Variants in OGFRL1 observed in about 807,000 individuals in gnomAD.
The protein encoded by OGFRL1 is opioid growth factor receptor-like protein 1.
In OGFRL1, 26 loss-of-function variants were observed where a neutral mutation model predicts 32.4. That is an observed-to-expected ratio of 0.80 (90% CI 0.59 to 1.11). The LOEUF is 1.11. Among genes scored for constraint, OGFRL1 ranks in the 50% most tolerant of loss-of-function variants. OGFRL1 has a pLI of 0.00. For synonymous variants in OGFRL1, 211 were observed against 201.2 expected, an observed-to-expected ratio of 1.05 and a Z score of -0.41; for missense variants, 521 against 546.4, an observed-to-expected ratio of 0.95 and a Z score of 0.46.
At chr6:71,290,941 A>C (rs972576836) in intron 1 of OGFRL1, among the ~76,000 whole-genome samples, 2 of 152,192 alleles carry the variant, frequency 1.3e-5, no homozygotes, top group Non-Finnish European at 2.9e-5. Flanking sequence ...TGGGTAGTTA[A>C]ATTACATCTA....
Position 71,306,593 on chromosome 6 carries a change from A to G in OGFRL1, c.*4544A>G, listed in dbSNP as rs1189529227. 2 of 152,176 alleles carry G rather than the reference A, an allele frequency of 1.3e-5. No individual in the cohort carries two copies. The highest frequency in any genetic ancestry group is 2.9e-5 in the Non-Finnish European group (2 of 68,036). 9.4% of individuals were successfully genotyped at this position (152,176 alleles called of 1,614,324 possible). On this transcript the variant is annotated 3_prime_UTR_variant, in exon 7 of 7. Coordinates refer to ENST00000370435, the MANE Select transcript of OGFRL1 (RefSeq NM_024576.5). ...CATGAATATCAGTTCTTTTAATGAA[A>G]TTTAGGTGGTGCTTTATCATTTTGG...
intron 6 of OGFRL1, among the ~76,000 whole-genome samples, chr6:71,297,280 G>A (rs957817532): frequency 6.6e-6 from 1 of 151,918 alleles, no homozygotes; most frequent in Non-Finnish European, 1.5e-5. Flanking sequence ...GAATGAGATG[G>A]GCCCATAGTT....
At chr6:71,292,496 T>C (rs1396628594) in intron 1 of OGFRL1, among the ~76,000 whole-genome samples, 2 of 152,232 alleles carry the variant, frequency 1.3e-5, no homozygotes, top group Non-Finnish European at 2.9e-5. Context: ...TCATACATTA[T>C]AATAGTACAT....
In OGFRL1 at chr6:71,308,290, T is replaced by C. The variant is rs935324457; in HGVS notation, c.*6241T>C. The C allele has an allele frequency of 1.3e-5, 2 of 152,242 alleles. No homozygotes were observed. The highest frequency in any genetic ancestry group is 1.9e-4 in the East Asian group (1 of 5,206). The allele number at this position is 152,242 out of a possible 1,614,324, so 9.4% of individuals were successfully genotyped here. A position where few individuals can be genotyped will look rare whatever the true frequency, so the allele number is the denominator to read the frequency against. ...GCATATTAATTGTGTGGCATTATAA[T>C]TGTGAGAAACAAATGAGAGCAAAAT... On this transcript the variant is annotated 3_prime_UTR_variant, in exon 7 of 7. Transcript: ENST00000370435.
Position 71,306,019 on chromosome 6 carries a change from G to A in OGFRL1, c.*3970G>A, listed in dbSNP as rs900684586. 1.3e-5 allele frequency: 2 copies of A among 152,226 alleles called. No individual in the cohort carries two copies. The highest frequency in any genetic ancestry group is 2.4e-5 in the African/African-American group (1 of 41,404). 9.4% of individuals were successfully genotyped at this position (152,226 alleles called of 1,614,324 possible). A position where few individuals can be genotyped will look rare whatever the true frequency, so the allele number is the denominator to read the frequency against. Reference sequence around the variant, plus strand: ...AGGATATTCTTGATCTTGCTTGATTGTAACTACATCTACCAGTCTTTAATG... The same window carrying A: ...AGGATATTCTTGATCTTGCTTGATTATAACTACATCTACCAGTCTTTAATG... On this transcript the variant is annotated 3_prime_UTR_variant, in exon 7 of 7. Coordinates refer to ENST00000370435, the MANE Select transcript of OGFRL1 (RefSeq NM_024576.5).
At position 71,301,733 on chromosome 6, in the gene OGFRL1, A is replaced by C. The variant is rs1378895893; in HGVS notation, c.1040A>C (p.Lys347Thr). The C allele has an allele frequency of 2.5e-6, 4 of 1,613,868 alleles. No homozygotes were observed. In the African/African-American group the frequency reaches 5.3e-5, roughly 22 times the overall value. The part of the protein sequence containing the change: ...NSQTSMHKKA[K>T]DSKNSSSAVH... The stretch of plus-strand genomic sequence containing the variant: ...CAAACTTCTATGCACAAAAAAGCCA[A>C]GGACTCCAAAAATTCCTCCTCAGCT... Residue 347 changes from lysine to threonine, a missense_variant, in exon 7 of 7, where the codon AAG becomes ACG. Physicochemically the swap from Lys to Thr is moderately conservative, Grantham distance 78. Transcript: ENST00000370435.
chr6:71,296,286 T>C, intron 3 of OGFRL1, 31 bp from the exon 4 acceptor site: 3 of 1,431,700 alleles, frequency 2.1e-6, no homozygotes, highest in Non-Finnish European at 2.9e-6. Context: ...GTTTGAAATG[T>C]CTGGTTCATT....
At chr6:71,292,598 T>G (rs534480566) in intron 1 of OGFRL1, among the ~76,000 whole-genome samples, 1 of 152,360 alleles carries the variant, frequency 6.6e-6, no homozygotes, top group African/African-American at 2.4e-5. Flanking sequence ...GTTTGAACAG[T>G]ATGAGTAAAC....
Position 71,305,855 on chromosome 6 carries a change from T to A in OGFRL1, c.*3806T>A, listed in dbSNP as rs1023474476. The A allele has an allele frequency of 5.3e-5, 8 of 152,070 alleles. No individual in the cohort carries two copies. The highest frequency in any genetic ancestry group is 1.0e-4 in the Non-Finnish European group (7 of 67,978). The allele number at this position is 152,070 out of a possible 1,614,324, so 9.4% of individuals were successfully genotyped here. ...GGGTTAACCAATGGGGGGAGAATATTTGGTTAATTGTTTTAATATTAAATT... is the reference window on the plus strand; with the variant it reads ...GGGTTAACCAATGGGGGGAGAATATATGGTTAATTGTTTTAATATTAAATT... On this transcript the variant is annotated 3_prime_UTR_variant, in exon 7 of 7. Coordinates refer to ENST00000370435, the MANE Select transcript of OGFRL1 (RefSeq NM_024576.5).
At position 71,306,656 on chromosome 6, in the gene OGFRL1, A is replaced by G. The variant is rs1766559708; in HGVS notation, c.*4607A>G. On this transcript the variant is annotated 3_prime_UTR_variant, in exon 7 of 7. Coordinates refer to ENST00000370435, the MANE Select transcript of OGFRL1 (RefSeq NM_024576.5). Reference sequence around the variant, plus strand: ...TTGGGACAATAGCATCAGTTTATCAAGAAGTGTACTCACCATGATATTCAA... The same window carrying G: ...TTGGGACAATAGCATCAGTTTATCAGGAAGTGTACTCACCATGATATTCAA... 2.0e-5 allele frequency: 3 copies of G among 152,224 alleles called. No homozygotes were observed. The highest frequency in any genetic ancestry group is 2.0e-4 in the Admixed American group (3 of 15,278). 9.4% of individuals were successfully genotyped at this position (152,224 alleles called of 1,614,324 possible).
chr6:71,291,475 T>G (rs1276819051), intron 1 of OGFRL1: 1 of 152,196 alleles, frequency 6.6e-6, no homozygotes, highest in African/African-American at 2.4e-5. Flanking sequence ...ATGTTTTGTA[T>G]GTTTATTTTA....
At position 71,308,901 on chromosome 6, in the gene OGFRL1, C is replaced by T. The variant is rs1040692241; in HGVS notation, c.*6852C>T. 1.3e-5 allele frequency: 2 copies of T among 152,044 alleles called. No homozygotes were observed. Among genetic ancestry groups the T allele is most frequent in the Admixed American group, 6.6e-5 (1 of 15,260 alleles). The allele number at this position is 152,044 out of a possible 1,614,324, so 9.4% of individuals were successfully genotyped here. A position where few individuals can be genotyped will look rare whatever the true frequency, so the allele number is the denominator to read the frequency against. On this transcript the variant is annotated 3_prime_UTR_variant, in exon 7 of 7. Coordinates refer to ENST00000370435, the MANE Select transcript of OGFRL1 (RefSeq NM_024576.5). ...AACATTTTAGCATTGTGCTAGAGTA[C>T]ATTATGGTGATTTTGCACGATTAAA...
chr6:71,304,350 G>C lies in OGFRL1; in HGVS notation c.*2301G>C, dbSNP rs2149358485. 6.6e-6 allele frequency: 1 copy of C among 152,202 alleles called. No homozygotes were observed. The highest frequency in any genetic ancestry group is 1.5e-5 in the Non-Finnish European group (1 of 67,984). The allele number at this position is 152,202 out of a possible 1,614,324, so 9.4% of individuals were successfully genotyped here. ...AAGAAAAACATGGACACTCTTACGT[G>C]GTGCTTGTAGCTGTGTCTCCGTAGA... On this transcript the variant is annotated 3_prime_UTR_variant, in exon 7 of 7. Transcript: ENST00000370435.
At chr6:71,289,619 A>C in intron 1 of OGFRL1, 1 of 980,858 alleles carries the variant, frequency 1.0e-6, no homozygotes, top group Non-Finnish European at 1.2e-6. Context: ...GCAAGCAGCC[A>C]GCGCTCTCCC....
intron 3 of OGFRL1, 118 bp downstream of exon 3, chr6:71,293,729 C>T (rs891100946): frequency 9.1e-6 from 6 of 661,496 alleles, no homozygotes; most frequent in Non-Finnish European, 2.6e-6. Flanking sequence ...CTAATGTGTC[C>T]CCTTGGTAAA....
chr6:71,296,726 A>T lies in OGFRL1; in HGVS notation c.601A>T (p.Met201Leu). 2.5e-6 allele frequency: 4 copies of T among 1,613,698 alleles called. No homozygotes were observed. Among genetic ancestry groups the T allele is most frequent in the Non-Finnish European group, 3.4e-6 (4 of 1,179,722 alleles). The change falls in exon 6 of 7, where the codon ATG (methionine) becomes TTG (leucine). Residue 201 changes from methionine (M) to leucine (L), a missense_variant. Met to Leu is a conservative substitution (Grantham distance 15). Transcript: ENST00000370435. ...AAGATTCCTCCTGGCTTATAAAATGATGCTAGAATTTTTTGGAATAAAACT... is the reference window on the plus strand; with the variant it reads ...AAGATTCCTCCTGGCTTATAAAATGTTGCTAGAATTTTTTGGAATAAAACT... ...IRRFLLAYKMMLEFFGIKLTD... is the reference protein window; with the variant it reads ...IRRFLLAYKMLLEFFGIKLTD...
rs34010066 is a variant in OGFRL1, at chr6:71,302,022, T to C, written c.1329T>C (p.Asn443=). ...NQDNENPGNT[N]CHDVVLVQ ...ACAATGAAAATCCTGGAAATACAAA[T>C]TGCCATGATGTTGTACTAGTACAGT... The change falls in exon 7 of 7, where the codon AAT becomes AAC. Residue 443 remains asparagine, a synonymous_variant. Coordinates refer to ENST00000370435, the MANE Select transcript of OGFRL1 (RefSeq NM_024576.5). 645 of 1,587,338 alleles carry C rather than the reference T, an allele frequency of 4.1e-4. 5 individuals are homozygous for C. The African/African-American group carries it at 8.1e-3, about 20-fold the overall frequency.
chr6:71,295,296 A>T (rs887548644), intron 3 of OGFRL1: 1 of 152,186 alleles, frequency 6.6e-6, no homozygotes, highest in African/African-American at 2.4e-5. Flanking sequence ...GATTCAAAAC[A>T]ACTTTTTACC....
rs962140066 is a variant in OGFRL1, at chr6:71,289,024, G to A, written c.88G>A (p.Glu30Lys). The change falls in exon 1 of 7, where the codon GAG becomes AAG. Residue 30 changes from glutamate to lysine, a missense_variant. Glu to Lys is a moderately conservative substitution (Grantham distance 56). Transcript: ENST00000370435. ...CACCTGGCAGACCGACTCGGAGCCC[G>A]AGCCCGAAGAACCAGGGCCGGGCGG... ...DSTWQTDSEP[E>K]PEEPGPGGGS... is the part of the protein sequence containing the mutation. 2 of 1,353,734 alleles carry A rather than the reference G, an allele frequency of 1.5e-6. No individual in the cohort carries two copies. Among genetic ancestry groups the A allele is most frequent in the African/African-American group, 1.5e-5 (1 of 65,050 alleles). 83.9% of individuals were successfully genotyped at this position (1,353,734 alleles called of 1,614,324 possible).
Sources: gnomAD v4.1 joint callset for allele counts (sites outside exome capture counted in the v4.1 genomes callset) on GRCh38, gnomAD v4.1.1 for gene constraint, MANE v1.5 for transcripts, NCBI Gene and HGNC (gene_info 2026-07-23, HGNC 2026-07-21) for gene names.